BBS7: variants seen among roughly 807,000 people sequenced by gnomAD.
BBS7 encodes BBSome complex member BBS7.
BBS7 carries 50 observed loss-of-function variants against 90.3 expected under a neutral mutation model. The observed-to-expected ratio is 0.55, with a 90% CI of 0.44 to 0.70. BBS7 has a LOEUF of 0.70. Ranked by LOEUF, BBS7 falls within the 30% of genes least tolerant of loss-of-function variation. The pLI is 0.00. For synonymous variants in BBS7, 235 were observed against 287.4 expected (o/e 0.82, Z 1.85); for missense variants, 729 against 838.9 (o/e 0.87, Z 1.62).
chr4:121,845,123 C>G (rs1725936134), intron 11 of BBS7, among the ~76,000 whole-genome samples: 1 of 152,168 alleles, frequency 6.6e-6, no homozygotes, highest in Admixed American at 6.5e-5. Context: ...AATCCCAGCA[C>G]TTTGTGAGGC....
chr4:121,868,131 A>T (rs1040558001), intron 1 of BBS7, 85 bp from the exon 2 acceptor site: 9 of 1,053,228 alleles, frequency 8.5e-6, no homozygotes, highest in Non-Finnish European at 1.3e-5. Context: ...CTTTTTGTTA[A>T]ACTGAAATTA....
In BBS7 at chr4:121,866,324, T is replaced by A. The variant is rs564624833; in HGVS notation, c.102+1657A>T. On this transcript the variant is annotated intron_variant, in intron 2 of 18. Transcript: ENST00000264499. ...ACCAATGTCCTAAAGCATTAACATT[T>A]AGGTCTTTTTTTGTTTTTTGTTTTG... Among the ~76,000 whole-genome samples, 13 of 152,266 alleles carry A rather than the reference T, an allele frequency of 8.5e-5. No individual in the cohort carries two copies. In the East Asian group the frequency reaches 2.5e-3, roughly 29 times the overall value.
intron 15 of BBS7, among the ~76,000 whole-genome samples, chr4:121,831,353 G>A (rs748315121): frequency 7.2e-5 from 11 of 152,020 alleles, no homozygotes; most frequent in Non-Finnish European, 1.6e-4. Context: ...AGCTACTGCA[G>A]GATGCAGTAG....
chr4:121,856,895 G>A (rs933623770), intron 5 of BBS7, among the ~76,000 whole-genome samples: 3 of 151,318 alleles, frequency 2.0e-5, no homozygotes, highest in African/African-American at 4.9e-5. Flanking sequence ...TCAGCTGCCC[G>A]AGTAGCTGGA....
intron 2 of BBS7, among the ~76,000 whole-genome samples, chr4:121,865,437 C>T (rs184162972): frequency 6.6e-6 from 1 of 152,220 alleles, no homozygotes; most frequent in East Asian, 1.9e-4. Flanking sequence ...TGGGGTTTCA[C>T]CATGTTGGCC....
chr4:121,861,401 A>G, intron 4 of BBS7, 103 bp downstream of exon 4: 1 of 1,099,370 alleles, frequency 9.1e-7, no homozygotes, highest in Non-Finnish European at 1.3e-6. Context: ...AGTTAATTTT[A>G]TTTTCCAGAA....
intron 8 of BBS7, among the ~76,000 whole-genome samples, chr4:121,851,216 C>T (rs904881156): frequency 2.6e-5 from 4 of 151,918 alleles, no homozygotes; most frequent in African/African-American, 9.7e-5. Flanking sequence ...GAAAACATTA[C>T]AAAAATTTTT....
rs1481864936 is a variant in BBS7, at chr4:121,863,342, A to G, written c.103-63T>C. 6 of 1,365,000 alleles carry G rather than the reference A, an allele frequency of 4.4e-6. No individual in the cohort carries two copies. The Admixed American group carries it at 8.6e-5, about 20-fold the overall frequency. The allele number at this position is 1,365,000 out of a possible 1,614,324, so 84.6% of individuals were successfully genotyped here. Reference sequence around the variant, plus strand: ...TAATATTATGACCTAATAATTATATACAGGGAAAGCAAGATTCTTAATTTA... The same window carrying G: ...TAATATTATGACCTAATAATTATATGCAGGGAAAGCAAGATTCTTAATTTA... On this transcript the variant is annotated intron_variant, in intron 2 of 18. Transcript: ENST00000264499.
intron 15 of BBS7, among the ~76,000 whole-genome samples, chr4:121,832,383 C>A (rs551777772): frequency 6.6e-6 from 1 of 152,102 alleles, no homozygotes; most frequent in South Asian, 2.1e-4. Context: ...AAACAACCTA[C>A]AGATGTGAGA....
chr4:121,829,402 T>A (rs1288925253), intron 15 of BBS7, among the ~76,000 whole-genome samples: 1 of 152,026 alleles, frequency 6.6e-6, no homozygotes, highest in Non-Finnish European at 1.5e-5. Context: ...ACCCAGCTAA[T>A]GTTTTCGTAT....
At chr4:121,853,322 C>T (rs1488638545) in intron 7 of BBS7, among the ~76,000 whole-genome samples, 1 of 152,128 alleles carries the variant, frequency 6.6e-6, no homozygotes, top group Admixed American at 6.6e-5. Context: ...CTGGCCAAAG[C>T]TCCAGACTTA....
chr4:121,858,228 A>G (rs967334394), intron 5 of BBS7, among the ~76,000 whole-genome samples: 1 of 152,196 alleles, frequency 6.6e-6, no homozygotes, highest in Admixed American at 6.5e-5. Flanking sequence ...AATTCCAAAG[A>G]GTGAGATAGC....
At chr4:121,858,826 T>G in intron 5 of BBS7, 166 bp downstream of exon 5, 53 of 679,060 alleles carry the variant, frequency 7.8e-5, no homozygotes, top group Non-Finnish European at 1.1e-4. Flanking sequence ...AAACAACACA[T>G]TTGACTCAAG....
At position 121,835,280 on chromosome 4, in the gene BBS7, G is replaced by C. The variant is rs150743868; in HGVS notation, c.1375C>G (p.Arg459Gly). ...GTGCCATACTGGCCTTCAATTGAGCGAATCTGATTCAACACAAAAGAGGAA... is the reference window on the plus strand; with the variant it reads ...GTGCCATACTGGCCTTCAATTGAGCCAATCTGATTCAACACAAAAGAGGAA... ...ADTTRLELKI[R>G]SIEGQYGTLQ... Residue 459 changes from arginine (R) to glycine (G), a missense_variant, in exon 14 of 19, where the codon CGC (arginine) becomes GGC (glycine). Physicochemically the swap from Arg to Gly is moderately radical, Grantham distance 125 (BLOSUM62 -2). Transcript: ENST00000264499. The C allele has an allele frequency of 6.2e-7, 1 of 1,613,486 alleles. No individual in the cohort carries two copies. Among genetic ancestry groups the C allele is most frequent in the Non-Finnish European group, 8.5e-7 (1 of 1,179,714 alleles).
At chr4:121,850,758 G>A (rs1726273749) in intron 8 of BBS7, among the ~76,000 whole-genome samples, 1 of 152,094 alleles carries the variant, frequency 6.6e-6, no homozygotes, top group African/African-American at 2.4e-5. Context: ...AGGAGGGAGT[G>A]GAAGGAAGGG....
At position 121,861,575 on chromosome 4, in the gene BBS7, A is replaced by C. The variant is rs199806762; in HGVS notation, c.270T>G (p.Ile90Met). 2 of 1,613,716 alleles carry C rather than the reference A, an allele frequency of 1.2e-6. No individual in the cohort carries two copies. The highest frequency in any genetic ancestry group is 1.7e-6 in the Non-Finnish European group (2 of 1,179,778). Residue 90 changes from isoleucine to methionine, a missense_variant, in exon 4 of 19, where the codon ATT becomes ATG. Physicochemically the swap from Ile to Met is conservative, Grantham distance 10 (BLOSUM62 1). Transcript: ENST00000264499. ...GTTTTCCTCTTTTTGTGAAGCCTCTAATCTCAGATGCTGCAGCAATAAAAA... is the reference window on the plus strand; with the variant it reads ...GTTTTCCTCTTTTTGTGAAGCCTCTCATCTCAGATGCTGCAGCAATAAAAA... ...EKIFIAAASEIRGFTKRGKQF... is the reference protein window; with the variant it reads ...EKIFIAAASEMRGFTKRGKQF...
In BBS7 at chr4:121,824,569, C is replaced by T. The variant is rs1296870157; in HGVS notation, c.*1291G>A. ...TACTGTTGATATATATAATAAATAG[C>T]AGTGCATTACAAAATATTCAAATAC... is the stretch of plus-strand genomic sequence containing the variant. On this transcript the variant is annotated 3_prime_UTR_variant, in exon 19 of 19. Coordinates refer to ENST00000264499, the MANE Select transcript of BBS7 (RefSeq NM_176824.3). This position sits in a 1 kb window ranked among gnomAD's most constrained non-coding sequence, Gnocchi z 4.1. The T allele has an allele frequency of 6.6e-6, 1 of 152,054 alleles. No individual in the cohort carries two copies. Among genetic ancestry groups the T allele is most frequent in the Non-Finnish European group, 1.5e-5 (1 of 68,020 alleles). 9.4% of individuals were successfully genotyped at this position (152,054 alleles called of 1,614,324 possible). A position where few individuals can be genotyped will look rare whatever the true frequency, so the allele number is the denominator to read the frequency against.
At chr4:121,827,977 TACAGAAATATTCTGTGCAATAAA>T in intron 18 of BBS7, 146 bp downstream of exon 18, 7 of 1,439,276 alleles carry the variant, frequency 4.9e-6, no homozygotes, top group Non-Finnish European at 6.4e-6. Context: ...CTTGACAAAA[TACAGAAATATTCTGTGCAATAAA>T]TTTGTTGTCA....
intron 6 of BBS7, 177 bp downstream of exon 6, chr4:121,855,312 C>G (rs1475443146): frequency 5.1e-6 from 3 of 592,450 alleles, no homozygotes; most frequent in Non-Finnish European, 9.1e-6. Flanking sequence ...TGCCCCCCAG[C>G]CCCCCAAAAA....
Sources: gnomAD v4.1 joint callset for allele counts (sites outside exome capture counted in the v4.1 genomes callset) on GRCh38, gnomAD v4.1.1 for gene constraint, Gnocchi (gnomAD v3.1) non-coding constraint, MANE v1.5 for transcripts, NCBI Gene and HGNC (gene_info 2026-07-23, HGNC 2026-07-21) for gene names.